Variants in ZNF135 observed in about 807,000 individuals in gnomAD.
The protein encoded by ZNF135 is zinc finger protein 135, also known as zinc finger protein 135 (clone pHZ-17).
ZNF135 carries 11 observed loss-of-function variants against 12.3 expected under a neutral mutation model. The ratio of observed to expected loss-of-function variants is 0.89; its 90% CI spans 0.56 to 1.48. The LOEUF (loss-of-function observed/expected upper bound fraction) is 1.48, where lower values mean the gene tolerates loss of function less well. ZNF135 is among the 40% of genes most tolerant of loss of function. The probability of loss-of-function intolerance (pLI) is 0.00; values close to 1 mark genes in which losing one functional copy is unlikely to be tolerated. For synonymous variants in ZNF135, 316 were observed against 312.0 expected, an observed-to-expected ratio of 1.01 and a Z score of -0.14; for missense variants, 722 against 815.7, an observed-to-expected ratio of 0.89 and a Z score of 1.40.
rs117509647 is a variant in ZNF135, at chr19:58,068,987, G to A, written c.*526G>A. On this transcript the variant is annotated 3_prime_UTR_variant, in exon 5 of 5. Transcript: ENST00000313434. ...CATTCCCAAATGACAGTATGGCAGA[G>A]TGTTCCAGAAATGAGAGTGGCATCT... The A allele has an allele frequency of 0.023, 3,613 of 158,572 alleles. 58 individuals are homozygous for A. The highest frequency in any genetic ancestry group is 0.034 in the Middle Eastern group (10 of 294). 9.8% of individuals were successfully genotyped at this position (158,572 alleles called of 1,614,324 possible). A position where few individuals can be genotyped will look rare whatever the true frequency, so the allele number is the denominator to read the frequency against.
Position 58,068,143 on chromosome 19 carries a change from C to G in ZNF135, c.1659C>G (p.Asn553Lys). 1 of 1,613,804 alleles carries G rather than the reference C, an allele frequency of 6.2e-7. No individual in the cohort carries two copies. Among genetic ancestry groups the G allele is most frequent in the Non-Finnish European group, 8.5e-7 (1 of 1,179,952 alleles). ...IHTGEKPYEC[N>K]QCGRAFSQSS... The stretch of plus-strand genomic sequence containing the variant: ...CAGGAGAGAAACCCTATGAATGTAA[C>G]CAGTGTGGCAGAGCCTTCAGCCAGA... Residue 553 changes from asparagine (N) to lysine (K), a missense_variant, in exon 5 of 5, where the codon AAC (asparagine) becomes AAG (lysine). By Grantham distance (94) the Asn-to-Lys change is moderately conservative. Coordinates refer to ENST00000313434, the MANE Select transcript of ZNF135 (RefSeq NM_001289401.2).
intron 3 of ZNF135, among the ~76,000 whole-genome samples, chr19:58,062,279 C>G (rs1490105981): frequency 1.3e-5 from 2 of 152,142 alleles, no homozygotes; most frequent in African/African-American, 4.8e-5. Context: ...GAGTGGAGCC[C>G]TCATGAATTA....
Position 58,068,079 on chromosome 19 carries a change from G to A in ZNF135, c.1595G>A (p.Ser532Asn), listed in dbSNP as rs754506432. 1.9e-6 allele frequency: 3 copies of A among 1,613,990 alleles called. No homozygotes were observed. Among genetic ancestry groups the A allele is most frequent in the African/African-American group, 2.7e-5 (2 of 74,868 alleles). Residue 532 changes from serine (S) to asparagine (N), a missense_variant, in exon 5 of 5, where the codon AGC (serine) becomes AAC (asparagine). By Grantham distance (46) the Ser-to-Asn change is conservative (BLOSUM62 1). Transcript: ENST00000313434. ...YECNQCGRAF[S>N]QLAPLIQHQR... ...TGCAACCAGTGTGGCAGAGCCTTCA[G>A]CCAGCTTGCTCCCCTCATTCAGCAT...
At position 58,059,844 on chromosome 19, in the gene ZNF135, A is replaced by G. The variant is rs2073937359; in HGVS notation, c.-34-125A>G. The G allele has an allele frequency of 8.4e-7, 1 of 1,186,290 alleles. No homozygotes were observed. Among genetic ancestry groups the G allele is most frequent in the Non-Finnish European group, 1.2e-6 (1 of 859,328 alleles). 73.5% of individuals were successfully genotyped at this position (1,186,290 alleles called of 1,614,324 possible). ...GCCGCCCCACACACAGCAGGCGCTTAAACGGGTACGCGGGGCCCTGGACGG... is the reference window on the plus strand; with the variant it reads ...GCCGCCCCACACACAGCAGGCGCTTGAACGGGTACGCGGGGCCCTGGACGG... On this transcript the variant is annotated intron_variant, in intron 1 of 4. Transcript: ENST00000313434. This position sits in a 1 kb window ranked among gnomAD's most constrained non-coding sequence, Gnocchi z 6.5.
upstream of ZNF135, chr19:58,059,246 AG>A: frequency 6.3e-7 from 1 of 1,582,450 alleles, no homozygotes; most frequent in South Asian, 1.1e-5. The surrounding 1 kb of genome is among the most constrained non-coding windows in gnomAD (Gnocchi z 6.5). Flanking sequence ...TGGGAAATGG[AG>A]TTAGGCTCGC....
chr19:58,059,365 C>CG lies in ZNF135; in HGVS notation c.-35+58dup. 13 of 462,714 alleles carry CG rather than the reference C, an allele frequency of 2.8e-5. No individual in the cohort carries two copies. The highest frequency in any genetic ancestry group is 3.8e-5 in the Non-Finnish European group (12 of 318,454). The allele number at this position is 462,714 out of a possible 1,614,324, so 28.7% of individuals were successfully genotyped here. A position where few individuals can be genotyped will look rare whatever the true frequency, so the allele number is the denominator to read the frequency against. ...GAGGCCAGGCCGGGCCGGGCCGGGC[C>CG]GGGTGCGGGGGGTCCGGGGATCTTC... On this transcript the variant is annotated intron_variant, in intron 1 of 4. Transcript: ENST00000313434. The surrounding 1 kb of genome is among the most constrained non-coding windows in gnomAD (Gnocchi z 6.5).
rs1438467947 is a variant in ZNF135 at position 58,063,089 on chromosome 19, G to A, written c.161-357G>A. Among the ~76,000 whole-genome samples, 6 of 152,188 alleles carry A rather than the reference G, an allele frequency of 3.9e-5. No homozygotes were observed. Among genetic ancestry groups the A allele is most frequent in the Admixed American group, 2.6e-4 (4 of 15,274 alleles). On this transcript the variant is annotated intron_variant, in intron 3 of 4. Transcript: ENST00000313434. This position sits in a 1 kb window ranked among gnomAD's most constrained non-coding sequence, Gnocchi z 4.4. The stretch of plus-strand genomic sequence containing the variant: ...GGAGGTGACAAGACAACTGCCTGGG[G>A]TGCCTTTCCTGCAACCAAGACCAGC...
Position 58,063,662 on chromosome 19 carries a change from T to G in ZNF135, c.256+121T>G, listed in dbSNP as rs2074020388. 6.8e-7 allele frequency: 1 copy of G among 1,472,578 alleles called. No individual in the cohort carries two copies. Among genetic ancestry groups the G allele is most frequent in the Non-Finnish European group, 9.0e-7 (1 of 1,108,522 alleles). The allele number at this position is 1,472,578 out of a possible 1,614,324, so 91.2% of individuals were successfully genotyped here. ...TTACTACTCAGTCTTAGTGAAGATT[T>G]ACCAAGCACCCATTTTGCTGTGAGT... On this transcript the variant is annotated intron_variant, in intron 4 of 4. Transcript: ENST00000313434. The surrounding 1 kb of genome is among the most constrained non-coding windows in gnomAD (Gnocchi z 4.4).
Position 58,066,962 on chromosome 19 carries a change from T to C in ZNF135, c.478T>C (p.Trp160Arg), listed in dbSNP as rs775023917. ...TGTGAAGACGCCTGTTCTGGAGCAG[T>C]GGCAGAGGAATGGGTTTGGGGAAAA... ...TPVKTPVLEQ[W>R]QRNGFGENIS... The change falls in exon 5 of 5, where the codon TGG becomes CGG. Residue 160 changes from tryptophan (W) to arginine (R), a missense_variant. Physicochemically the swap from Trp to Arg is moderately radical, Grantham distance 101. Coordinates refer to ENST00000313434, the MANE Select transcript of ZNF135 (RefSeq NM_001289401.2). The C allele has an allele frequency of 7.4e-6, 12 of 1,614,160 alleles. No homozygotes were observed. In the East Asian group the frequency reaches 2.7e-4, roughly 36 times the overall value.
In ZNF135 at chr19:58,060,067, C is replaced by G. The variant is rs772929243; in HGVS notation, c.33+32C>G. ...ATCTCGGCCTCCTTGCGCGTGTCCT[C>G]CACCTCGTGCCCGGCCTCCTCGCGC... is the stretch of plus-strand genomic sequence containing the variant. On this transcript the variant is annotated intron_variant, in intron 2 of 4. Transcript: ENST00000313434. The surrounding 1 kb of genome is among the most constrained non-coding windows in gnomAD (Gnocchi z 4.9). 1.2e-6 allele frequency: 2 copies of G among 1,612,352 alleles called. No homozygotes were observed. The highest frequency in any genetic ancestry group is 1.1e-5 in the South Asian group (1 of 91,064).
At position 58,067,715 on chromosome 19, in the gene ZNF135, G is replaced by C; in HGVS notation, c.1231G>C (p.Glu411Gln). 1 of 1,614,068 alleles carries C rather than the reference G, an allele frequency of 6.2e-7. No homozygotes were observed. The highest frequency in any genetic ancestry group is 2.2e-5 in the East Asian group (1 of 44,854). Reference protein sequence around the residue: ...QRTHTGEKPYECGECGKAFSQ... With the variant: ...QRTHTGEKPYQCGECGKAFSQ... The stretch of plus-strand genomic sequence containing the variant: ...GACCCACACAGGAGAAAAGCCCTAT[G>C]AGTGTGGTGAGTGTGGGAAAGCCTT... The change falls in exon 5 of 5, where the codon GAG (glutamate) becomes CAG (glutamine). Residue 411 changes from glutamate (E) to glutamine (Q), a missense_variant. Physicochemically the swap from Glu to Gln is conservative, Grantham distance 29. Transcript: ENST00000313434.
In ZNF135 at chr19:58,059,425, G is replaced by C; in HGVS notation, c.-35+115G>C. On this transcript the variant is annotated intron_variant, in intron 1 of 4. Coordinates refer to ENST00000313434, the MANE Select transcript of ZNF135 (RefSeq NM_001289401.2). The surrounding 1 kb of genome is among the most constrained non-coding windows in gnomAD (Gnocchi z 6.5). ...TGGCGGGGCGAGTTTCCAGCAGCGC[G>C]CGTCTGTGTGGAGTCCGTTTTGCTG... 2.0e-6 allele frequency: 2 copies of C among 1,012,648 alleles called. No individual in the cohort carries two copies. Among genetic ancestry groups the C allele is most frequent in the Non-Finnish European group, 2.7e-6 (2 of 744,724 alleles). 62.7% of individuals were successfully genotyped at this position (1,012,648 alleles called of 1,614,324 possible). A position where few individuals can be genotyped will look rare whatever the true frequency, so the allele number is the denominator to read the frequency against.
At position 58,067,385 on chromosome 19, in the gene ZNF135, A is replaced by G; in HGVS notation, c.901A>G (p.Ser301Gly). 6.2e-7 allele frequency: 1 copy of G among 1,614,142 alleles called. No individual in the cohort carries two copies. Among genetic ancestry groups the G allele is most frequent in the South Asian group, 1.1e-5 (1 of 91,086 alleles). The part of the protein sequence containing the change: ...THTGEKPYEC[S>G]ECGKSFSFRS... Reference sequence around the variant, plus strand: ...CACAGGTGAGAAGCCCTATGAATGCAGCGAATGTGGGAAATCCTTCAGTTT... The same window carrying G: ...CACAGGTGAGAAGCCCTATGAATGCGGCGAATGTGGGAAATCCTTCAGTTT... The change falls in exon 5 of 5, where the codon AGC (serine) becomes GGC (glycine). Residue 301 changes from serine to glycine, a missense_variant. Transcript: ENST00000313434.
rs2074091379 is a variant in ZNF135, at chr19:58,067,414, G to A, written c.930G>A (p.Arg310=). 2 of 1,613,408 alleles carry A rather than the reference G, an allele frequency of 1.2e-6. No homozygotes were observed. The highest frequency in any genetic ancestry group is 2.2e-5 in the East Asian group (1 of 44,812). Residue 310 remains arginine (R), a synonymous_variant, in exon 5 of 5, where the codon AGG becomes AGA. Transcript: ENST00000313434. ...CSECGKSFSF[R]SSFSQHERTH... is the part of the protein sequence containing the mutation. ...AATGTGGGAAATCCTTCAGTTTTAG[G>A]TCCTCCTTCAGCCAGCACGAGCGAA...
chr19:58,063,856 G>A lies in ZNF135; in HGVS notation c.256+315G>A, dbSNP rs2074023886. 2.8e-6 allele frequency: 1 copy of A among 356,022 alleles called. No individual in the cohort carries two copies. The highest frequency in any genetic ancestry group is 2.2e-5 in the African/African-American group (1 of 45,066). The allele number at this position is 356,022 out of a possible 1,614,324, so 22.1% of individuals were successfully genotyped here. Reference sequence around the variant, plus strand: ...CAATGAGGTAGACTAGGAGGGGGATGAGTAGACTTTAGCAGAGAGATGAGG... The same window carrying A: ...CAATGAGGTAGACTAGGAGGGGGATAAGTAGACTTTAGCAGAGAGATGAGG... On this transcript the variant is annotated intron_variant, in intron 4 of 4. Transcript: ENST00000313434. This position sits in a 1 kb window ranked among gnomAD's most constrained non-coding sequence, Gnocchi z 4.4.
intron 4 of ZNF135, among the ~76,000 whole-genome samples, chr19:58,066,349 G>A (rs1407054969): frequency 1.3e-5 from 2 of 152,254 alleles, no homozygotes; most frequent in East Asian, 1.9e-4. Flanking sequence ...ACTGTAGCTG[G>A]AGCCTGGGTG....
chr19:58,068,072 G>T lies in ZNF135; in HGVS notation c.1588G>T (p.Ala530Ser), dbSNP rs748941525. The T allele has an allele frequency of 9.3e-6, 15 of 1,613,814 alleles. No homozygotes were observed. The East Asian group carries it at 2.5e-4, about 26-fold the overall frequency. The change falls in exon 5 of 5, where the codon GCC becomes TCC. Residue 530 changes from alanine (A) to serine (S), a missense_variant. By Grantham distance (99) the Ala-to-Ser change is moderately conservative. Transcript: ENST00000313434. ...KPYECNQCGR[A>S]FSQLAPLIQH... The stretch of plus-strand genomic sequence containing the variant: ...CTACGAATGCAACCAGTGTGGCAGA[G>T]CCTTCAGCCAGCTTGCTCCCCTCAT...
chr19:58,063,724 T>C lies in ZNF135; in HGVS notation c.256+183T>C. ...GTCCTCATCTCCACTGAATTTATATTCTTGGTGAGGGAGTGGGGGAAACAA... is the reference window on the plus strand; with the variant it reads ...GTCCTCATCTCCACTGAATTTATATCCTTGGTGAGGGAGTGGGGGAAACAA... On this transcript the variant is annotated intron_variant, in intron 4 of 4. Transcript: ENST00000313434. This position sits in a 1 kb window ranked among gnomAD's most constrained non-coding sequence, Gnocchi z 4.4. 1.4e-6 allele frequency: 2 copies of C among 1,383,834 alleles called. No individual in the cohort carries two copies. Among genetic ancestry groups the C allele is most frequent in the Non-Finnish European group, 1.9e-6 (2 of 1,065,462 alleles). 85.7% of individuals were successfully genotyped at this position (1,383,834 alleles called of 1,614,324 possible).
chr19:58,060,344 C>A lies in ZNF135; in HGVS notation c.33+309C>A, dbSNP rs749946198. On this transcript the variant is annotated intron_variant, in intron 2 of 4. Coordinates refer to ENST00000313434, the MANE Select transcript of ZNF135 (RefSeq NM_001289401.2). This position sits in a 1 kb window ranked among gnomAD's most constrained non-coding sequence, Gnocchi z 4.9. ...CACACCCGGCCTCCTAAAGTCCGCG[C>A]CAAGCTCCCCAACCACAGCCTGCCT... 7 of 1,308,242 alleles carry A rather than the reference C, an allele frequency of 5.4e-6. No individual in the cohort carries two copies. The highest frequency in any genetic ancestry group is 6.8e-6 in the Non-Finnish European group (7 of 1,023,308). 81.0% of individuals were successfully genotyped at this position (1,308,242 alleles called of 1,614,324 possible). A position where few individuals can be genotyped will look rare whatever the true frequency, so the allele number is the denominator to read the frequency against.
Sources: allele counts gnomAD v4.1 joint callset (sites outside exome capture counted in the v4.1 genomes callset), GRCh38; gene constraint gnomAD v4.1.1; non-coding constraint Gnocchi (gnomAD v3.1); transcripts MANE v1.5; gene names NCBI Gene and HGNC (gene_info 2026-07-23, HGNC 2026-07-21).